ATP5MC3: variants seen among roughly 807,000 people sequenced by gnomAD.
ATP5MC3 encodes ATP synthase membrane subunit c locus 3.
In ATP5MC3, 6 loss-of-function variants were observed where a neutral mutation model predicts 15.6. That is an observed-to-expected ratio of 0.38 (90% CI 0.21 to 0.76). The LOEUF is 0.76. Among genes scored for constraint, ATP5MC3 ranks in the 30% least tolerant of loss-of-function variants. The probability of loss-of-function intolerance (pLI) is 0.44; values close to 1 mark genes in which losing one functional copy is unlikely to be tolerated. For missense variants in ATP5MC3, 132 were observed against 171.2 expected (o/e 0.77, Z 1.28); for synonymous variants, 66 against 63.3 (o/e 1.04, Z -0.20).
At chr2:175,179,547 C>A (rs1040014454) in intron 3 of ATP5MC3, 3 of 311,530 alleles carry the variant, frequency 9.6e-6, no homozygotes, top group Non-Finnish European at 1.8e-5. Flanking sequence ...GTCACCCAGG[C>A]TGGAGTGCAG....
intron 3 of ATP5MC3, 54 bp downstream of exon 3, chr2:175,180,044 A>G (rs1700745602): frequency 2.1e-6 from 3 of 1,401,472 alleles, no homozygotes; most frequent in Non-Finnish European, 2.9e-6. Flanking sequence ...ACTCTAATCA[A>G]AACCCTACCC....
chr2:175,180,080 A>C lies in ATP5MC3; in HGVS notation c.120+18T>G, dbSNP rs773353629. The C allele has an allele frequency of 6.4e-7, 1 of 1,568,824 alleles. No individual in the cohort carries two copies. Among genetic ancestry groups the C allele is most frequent in the South Asian group, 1.2e-5 (1 of 83,124 alleles). On this transcript the variant is annotated intron_variant, in intron 3 of 4. Transcript: ENST00000284727. ...TTATTTGGTAGTGTTACCTAATTTCAATTATTGCTACTATTACCTCTCCAG... is the reference window on the plus strand; with the variant it reads ...TTATTTGGTAGTGTTACCTAATTTCCATTATTGCTACTATTACCTCTCCAG...
At chr2:175,180,835 T>C (rs907368568) in intron 2 of ATP5MC3, among the ~76,000 whole-genome samples, 3 of 152,072 alleles carry the variant, frequency 2.0e-5, no homozygotes, top group African/African-American at 7.2e-5. Flanking sequence ...GCCTGCAAAA[T>C]TGTTATGAAA....
chr2:175,180,064 A>G (rs1439994284), intron 3 of ATP5MC3, 34 bp downstream of exon 3: 2 of 1,493,014 alleles, frequency 1.3e-6, no homozygotes, highest in Non-Finnish European at 9.1e-7. Context: ...CTTATTTGGT[A>G]GTGTTACCTA....
rs1490220591 is a variant in ATP5MC3, at chr2:175,178,243, A to C, written c.*45T>G. 35 of 1,591,708 alleles carry C rather than the reference A, an allele frequency of 2.2e-5. No homozygotes were observed. The highest frequency in any genetic ancestry group is 3.0e-5 in the Non-Finnish European group (35 of 1,172,748). On this transcript the variant is annotated 3_prime_UTR_variant, in exon 5 of 5. Transcript: ENST00000284727. ...GAGTCACAGTAAGATACACAGAATT[A>C]CATCCGTAATTAATATGAATGCCAA...
At chr2:175,178,686 A>C in intron 4 of ATP5MC3, 1 of 1,172,506 alleles carries the variant, frequency 8.5e-7, no homozygotes, top group Non-Finnish European at 1.1e-6. Flanking sequence ...AAGATCTGAC[A>C]GTTTAGGTCT....
chr2:175,179,267 A>G lies in ATP5MC3; in HGVS notation c.121-17T>C. 3.1e-6 allele frequency: 5 copies of G among 1,593,524 alleles called. No individual in the cohort carries two copies. The highest frequency in any genetic ancestry group is 4.3e-6 in the Non-Finnish European group (5 of 1,165,432). On this transcript the variant is annotated splice_polypyrimidine_tract_variant and intron_variant, in intron 3 of 4. Coordinates refer to ENST00000284727, the MANE Select transcript of ATP5MC3 (RefSeq NM_001689.5). ...CGTAGAGCCCTGGAAAACAGAAAAT[A>G]AAGGTAAAGGTCGTATCAGTAACCA...
chr2:175,181,270 C>A, intron 2 of ATP5MC3, 85 bp downstream of exon 2: 2 of 1,503,940 alleles, frequency 1.3e-6, no homozygotes, highest in East Asian at 2.4e-5. Context: ...GTGCCCCGCC[C>A]GAAGGTTGCC....
chr2:175,178,445 T>G (rs769413346), intron 4 of ATP5MC3, 43 bp from the exon 5 acceptor site: 1 of 1,561,590 alleles, frequency 6.4e-7, no homozygotes, highest in Non-Finnish European at 8.6e-7. Flanking sequence ...AATATTAATT[T>G]CAACATGTTT....
chr2:175,180,187 G>GAA lies in ATP5MC3; in HGVS notation c.40-11_40-10dup. The GAA allele has an allele frequency of 6.5e-7, 1 of 1,534,178 alleles. No homozygotes were observed. The highest frequency in any genetic ancestry group is 8.7e-7 in the Non-Finnish European group (1 of 1,146,620). On this transcript the variant is annotated splice_polypyrimidine_tract_variant and intron_variant, in intron 2 of 4. Coordinates refer to ENST00000284727, the MANE Select transcript of ATP5MC3 (RefSeq NM_001689.5). ...CTGGATCCAGCTCGGATCTATTAAT[G>GAA]AAAAAAAAATAAAGATTTCAATATT... is the stretch of plus-strand genomic sequence containing the variant.
rs1700776709 is a variant in ATP5MC3 at position 175,181,654 on chromosome 2, A to C, written c.-74+2T>G. Reference sequence around the variant, plus strand: ...GCCGGGCTCCCTGTGCCCTCCACTTACCTTCCCAGGAGGCGGCGGCGGCAC... The same window carrying C: ...GCCGGGCTCCCTGTGCCCTCCACTTCCCTTCCCAGGAGGCGGCGGCGGCAC... On this transcript the variant is annotated splice_donor_variant, in intron 1 of 4. Transcript: ENST00000284727. LOFTEE classifies it low-confidence loss of function (5UTR_SPLICE). The C allele has an allele frequency of 4.1e-6, 2 of 489,586 alleles. No homozygotes were observed. Among genetic ancestry groups the C allele is most frequent in the South Asian group, 3.2e-5 (1 of 30,978 alleles). 30.3% of individuals were successfully genotyped at this position (489,586 alleles called of 1,614,324 possible).
rs962050499 is a variant in ATP5MC3, at chr2:175,181,698, A to C, written c.-116T>G. 1.7e-5 allele frequency: 7 copies of C among 418,558 alleles called. No individual in the cohort carries two copies. The highest frequency in any genetic ancestry group is 3.0e-5 in the Non-Finnish European group (7 of 234,382). The allele number at this position is 418,558 out of a possible 1,614,324, so 25.9% of individuals were successfully genotyped here. A position where few individuals can be genotyped will look rare whatever the true frequency, so the allele number is the denominator to read the frequency against. ...GCGGCACGGGCTGCGGCAGAGGTCG[A>C]AGGAGTGGGACTCAATGCGCAAGCG... On this transcript the variant is annotated 5_prime_UTR_variant, in exon 1 of 5. Coordinates refer to ENST00000284727, the MANE Select transcript of ATP5MC3 (RefSeq NM_001689.5).
intron 3 of ATP5MC3, 21 bp from the exon 4 acceptor site, chr2:175,179,271 G>A: frequency 6.3e-7 from 1 of 1,590,294 alleles, no homozygotes; most frequent in Non-Finnish European, 8.6e-7. Flanking sequence ...GAAAATAAAG[G>A]TAAAGGTCGT....
chr2:175,180,229 A>G, intron 2 of ATP5MC3, 51 bp from the exon 3 acceptor site: 1 of 1,408,788 alleles, frequency 7.1e-7, no homozygotes, highest in Non-Finnish European at 9.5e-7. Context: ...GAATACAGGT[A>G]AGACTTCAAT....
At chr2:175,179,306 T>C (rs2105415131) in intron 3 of ATP5MC3, 56 bp from the exon 4 acceptor site, 2 of 1,527,670 alleles carry the variant, frequency 1.3e-6, no homozygotes, top group East Asian at 4.6e-5. Flanking sequence ...GTAGCTATTT[T>C]AATTAAATAC....
At chr2:175,179,285 A>C in intron 3 of ATP5MC3, 35 bp from the exon 4 acceptor site, 2 of 1,561,750 alleles carry the variant, frequency 1.3e-6, no homozygotes, top group East Asian at 4.5e-5. Flanking sequence ...AGGTCGTATC[A>C]GTAACCACAG....
At chr2:175,179,730 C>T in intron 3 of ATP5MC3, 1 of 219,894 alleles carries the variant, frequency 4.5e-6, no homozygotes, top group Non-Finnish European at 8.8e-6. Context: ...ATCTTGAACT[C>T]CTGGGGTCAA....
In ATP5MC3 at chr2:175,176,533, C is replaced by A. The variant is rs1017146228; in HGVS notation, c.*1755G>T. The A allele has an allele frequency of 1.3e-5, 2 of 151,966 alleles. No individual in the cohort carries two copies. The highest frequency in any genetic ancestry group is 4.8e-5 in the African/African-American group (2 of 41,336). The allele number at this position is 151,966 out of a possible 1,614,324, so 9.4% of individuals were successfully genotyped here. On this transcript the variant is annotated 3_prime_UTR_variant, in exon 5 of 5. Coordinates refer to ENST00000284727, the MANE Select transcript of ATP5MC3 (RefSeq NM_001689.5). ...GATTTAGCAGTGAGGGGCTATATAC[C>A]AACTTTAATGACACTAATGTTAATA...
At position 175,181,471 on chromosome 2, in the gene ATP5MC3, G is replaced by A; in HGVS notation, c.-73-5C>T. ...GGCTCCTCTCCCGCTTCCTCTCTGCGGAGGAAAAGAGGCTTAAGGTCAAGT... is the reference window on the plus strand; with the variant it reads ...GGCTCCTCTCCCGCTTCCTCTCTGCAGAGGAAAAGAGGCTTAAGGTCAAGT... On this transcript the variant is annotated splice_region_variant and splice_polypyrimidine_tract_variant and intron_variant, in intron 1 of 4. Transcript: ENST00000284727. 1.9e-6 allele frequency: 3 copies of A among 1,570,352 alleles called. No individual in the cohort carries two copies. Among genetic ancestry groups the A allele is most frequent in the South Asian group, 1.1e-5 (1 of 87,256 alleles).
Sources: allele counts gnomAD v4.1 joint callset (sites outside exome capture counted in the v4.1 genomes callset), GRCh38; gene constraint gnomAD v4.1.1; transcripts MANE v1.5; gene names NCBI Gene and HGNC (gene_info 2026-07-23, HGNC 2026-07-21).